The following CSMD1 variants were observed in gnomAD, a reference collection of about 807,000 sequenced individuals.
The protein encoded by CSMD1 is CUB and sushi domain-containing protein 1.
CSMD1 carries 213 observed loss-of-function variants against 417.5 expected under a neutral mutation model. That is an observed-to-expected ratio of 0.51 (90% CI 0.46 to 0.57). The LOEUF (loss-of-function observed/expected upper bound fraction) is 0.57, where lower values mean the gene tolerates loss of function less well. Among genes scored for constraint, CSMD1 ranks in the 20% least tolerant of loss-of-function variants. The pLI is 0.00. For synonymous variants in CSMD1, 2,862 were observed against 1,736.8 expected, an observed-to-expected ratio of 1.65 and a Z score of -16.11; for missense variants, 6,923 against 4,529.7, an observed-to-expected ratio of 1.53 and a Z score of -15.17.
intron 1 of CSMD1, among the ~76,000 whole-genome samples, chr8:4,875,074 A>G (rs1385266981): frequency 2.0e-5 from 3 of 147,978 alleles, no homozygotes; most frequent in Non-Finnish European, 4.5e-5. Context: ...CTTTTTTTGT[A>G]AGAAAATCTT....
intron 3 of CSMD1, among the ~76,000 whole-genome samples, chr8:4,382,126 A>C (rs1469482224): frequency 6.6e-6 from 1 of 152,212 alleles, no homozygotes; most frequent in Non-Finnish European, 1.5e-5. Flanking sequence ...GCACTTCAAT[A>C]AAGGACATCT....
At chr8:4,788,616 A>G (rs1168860072) in intron 1 of CSMD1, 1 of 911,984 alleles carries the variant, frequency 1.1e-6, no homozygotes, top group African/African-American at 1.7e-5. Flanking sequence ...TTTTTAGGGG[A>G]AAAACTACAA....
rs1199976184 is a variant in CSMD1, at chr8:4,236,047, T to G, written c.415+183906A>C. 8.4e-3 allele frequency among the ~76,000 whole-genome samples: 126 copies of G among 14,954 alleles called. 1 individual carries two copies. The highest frequency in any genetic ancestry group is 0.046 in the South Asian group (15 of 324). 9.8% of individuals were successfully genotyped at this position (14,954 alleles called of 152,430 possible). A position where few individuals can be genotyped will look rare whatever the true frequency, so the allele number is the denominator to read the frequency against. On this transcript the variant is annotated intron_variant, in intron 3 of 69. Transcript: ENST00000635120. Reference sequence around the variant, plus strand: ...TATTGTTTTTTTTGTTTGTTTTTTTTTTTTTTTTTTTTTTTTTTTTTTGTA... The same window carrying G: ...TATTGTTTTTTTTGTTTGTTTTTTTGTTTTTTTTTTTTTTTTTTTTTTGTA...
At chr8:4,754,543 T>C (rs756496746) in intron 1 of CSMD1, among the ~76,000 whole-genome samples, 7 of 133,178 alleles carry the variant, frequency 5.3e-5, no homozygotes, top group Non-Finnish European at 1.1e-4. Context: ...CTGCACACTT[T>C]GTTTTTTTTT....
chr8:4,181,790 G>A (rs182994063), intron 3 of CSMD1, among the ~76,000 whole-genome samples: 3 of 152,020 alleles, frequency 2.0e-5, no homozygotes, highest in Non-Finnish European at 2.9e-5. Flanking sequence ...AACGATTTAG[G>A]TGACTAATTG....
At chr8:3,966,141 T>C (rs1323121048) in intron 5 of CSMD1, among the ~76,000 whole-genome samples, 2 of 152,186 alleles carry the variant, frequency 1.3e-5, no homozygotes, top group Non-Finnish European at 2.9e-5. Context: ...ATGCTACTTA[T>C]AATATCTCAG....
At chr8:4,336,188 G>C (rs1286206132) in intron 3 of CSMD1, among the ~76,000 whole-genome samples, 1 of 152,142 alleles carries the variant, frequency 6.6e-6, no homozygotes, top group African/African-American at 2.4e-5. Context: ...GTCAGCGCTG[G>C]TTGACTCAGG....
chr8:3,634,077 G>A (rs887313943), intron 7 of CSMD1, among the ~76,000 whole-genome samples: 1 of 152,122 alleles, frequency 6.6e-6, no homozygotes, highest in Non-Finnish European at 1.5e-5. Flanking sequence ...GGGGGTGGTG[G>A]GGGGAGGGGG....
At chr8:4,086,197 C>G (rs935256195) in intron 3 of CSMD1, among the ~76,000 whole-genome samples, 13 of 152,078 alleles carry the variant, frequency 8.5e-5, no homozygotes, top group Admixed American at 8.5e-4. Flanking sequence ...TAAAACCTTA[C>G]AGCTACAAAG....
At chr8:3,430,763 T>A (rs546294689) in intron 12 of CSMD1, among the ~76,000 whole-genome samples, 4 of 152,154 alleles carry the variant, frequency 2.6e-5, no homozygotes, top group African/African-American at 9.7e-5. Flanking sequence ...GCAGCGATCA[T>A]GGCCCTGAAC....
At chr8:4,025,831 C>T (rs547709930) in intron 4 of CSMD1, among the ~76,000 whole-genome samples, 1 of 152,178 alleles carries the variant, frequency 6.6e-6, no homozygotes, top group Non-Finnish European at 1.5e-5. Context: ...TAATTATTTT[C>T]TATTAATTAA....
intron 18 of CSMD1, among the ~76,000 whole-genome samples, chr8:3,387,235 CAT>C (rs1379354292): frequency 1.3e-5 from 2 of 152,168 alleles, no homozygotes; most frequent in Non-Finnish European, 2.9e-5. Context: ...ATGTAAAACA[CAT>C]GTGCAGAACT....
At chr8:4,766,346 G>T (rs867806111) in intron 1 of CSMD1, among the ~76,000 whole-genome samples, 4 of 152,172 alleles carry the variant, frequency 2.6e-5, no homozygotes, top group Admixed American at 2.0e-4. Flanking sequence ...CTGGTGTAAG[G>T]TTGTTAGGAC....
intron 27 of CSMD1, among the ~76,000 whole-genome samples, chr8:3,226,012 C>T (rs184712589): frequency 3.9e-5 from 6 of 152,334 alleles, no homozygotes; most frequent in East Asian, 3.9e-4. Flanking sequence ...CACATACATA[C>T]GTAGCAGCTC....
chr8:4,160,210 A>C (rs560733644), intron 3 of CSMD1, among the ~76,000 whole-genome samples: 1 of 152,280 alleles, frequency 6.6e-6, no homozygotes, highest in South Asian at 2.1e-4. Flanking sequence ...ATATAGCAAA[A>C]ATCTGGCTAA....
chr8:4,982,006 A>T (rs1810917375), intron 1 of CSMD1, among the ~76,000 whole-genome samples: 1 of 152,116 alleles, frequency 6.6e-6, no homozygotes, highest in South Asian at 2.1e-4. Context: ...AGCCAGCAAA[A>T]AACTTAATGC....
At chr8:3,182,612 G>GAGAAGGACTC (rs1821417771) in intron 36 of CSMD1, among the ~76,000 whole-genome samples, 2 of 60,022 alleles carry the variant, frequency 3.3e-5, no homozygotes, top group Non-Finnish European at 5.6e-5. Context: ...GTGTGTGTGT[G>GAGAAGGACTC]TGTGTGTGTG....
chr8:3,281,489 A>T (rs964677905), intron 26 of CSMD1, among the ~76,000 whole-genome samples: 3 of 152,142 alleles, frequency 2.0e-5, no homozygotes, highest in African/African-American at 7.2e-5. Flanking sequence ...AAGTCAATAG[A>T]ATATTATTCG....
At chr8:3,623,580 C>G (rs1462937355) in intron 7 of CSMD1, among the ~76,000 whole-genome samples, 9 of 152,174 alleles carry the variant, frequency 5.9e-5, no homozygotes, top group African/African-American at 2.2e-4. Flanking sequence ...CTCTTAGTAT[C>G]ATTTACATAT....
Sources: gnomAD v4.1 joint callset for allele counts (sites outside exome capture counted in the v4.1 genomes callset) on GRCh38, gnomAD v4.1.1 for gene constraint, MANE v1.5 for transcripts, NCBI Gene and HGNC (gene_info 2026-07-23, HGNC 2026-07-21) for gene names.